The following TMPRSS3 variants were observed in gnomAD, a reference collection of about 807,000 sequenced individuals.
The protein encoded by TMPRSS3 is transmembrane protease serine 3.
Under a neutral mutation model 59.6 loss-of-function variants are expected in TMPRSS3, and 55 were observed. That is an observed-to-expected ratio of 0.92 (90% CI 0.74 to 1.16). The LOEUF (loss-of-function observed/expected upper bound fraction) is 1.16. Among genes scored for constraint, TMPRSS3 ranks in the 50% most tolerant of loss-of-function variants. TMPRSS3 has a pLI of 0.00. For missense variants in TMPRSS3, 596 were observed against 579.4 expected (o/e 1.03, Z -0.29); for synonymous variants, 257 against 237.7 (o/e 1.08, Z -0.75).
intron 7 of TMPRSS3, 33 bp from the exon 8 acceptor site, chr21:42,383,231 C>T: frequency 6.2e-7 from 1 of 1,612,592 alleles, no homozygotes; most frequent in Non-Finnish European, 8.5e-7. Flanking sequence ...GTGGGTCCAC[C>T]CTGCAGACTT....
intron 12 of TMPRSS3, among the ~76,000 whole-genome samples, 200 bp from the exon 13 acceptor site, chr21:42,372,979 A>G (rs1174910640): frequency 6.6e-6 from 1 of 152,134 alleles, no homozygotes; most frequent in Non-Finnish European, 1.5e-5. Flanking sequence ...CCAGCAATGC[A>G]TCCGCAGGTC....
At chr21:42,385,057 C>CT (rs1568885484) in intron 6 of TMPRSS3, among the ~76,000 whole-genome samples, 20 of 130,394 alleles carry the variant, frequency 1.5e-4, no homozygotes, top group South Asian at 8.4e-4. Context: ...CCCTTCCTTC[C>CT]TCCCTCCCTC....
intron 12 of TMPRSS3, among the ~76,000 whole-genome samples, chr21:42,374,012 T>A (rs1365786854): frequency 6.6e-6 from 1 of 152,200 alleles, no homozygotes; most frequent in Non-Finnish European, 1.5e-5. Context: ...AAGGCCTCCA[T>A]GTACTGCAGA....
intron 6 of TMPRSS3, among the ~76,000 whole-genome samples, chr21:42,384,836 G>A (rs914283125): frequency 3.3e-5 from 5 of 152,094 alleles, no homozygotes; most frequent in African/African-American, 9.7e-5. Flanking sequence ...GCTACACACC[G>A]TCTAACCTGG....
chr21:42,385,398 T>C lies in TMPRSS3; in HGVS notation c.572+11A>G, dbSNP rs1314718121. The C allele has an allele frequency of 2.5e-6, 4 of 1,613,778 alleles. No individual in the cohort carries two copies. The highest frequency in any genetic ancestry group is 1.1e-5 in the South Asian group (1 of 91,074). ...TACCTGTGCAGACAACAGCATCGCCTGACCACCTACCTCACATATACTGAG... is the reference window on the plus strand; with the variant it reads ...TACCTGTGCAGACAACAGCATCGCCCGACCACCTACCTCACATATACTGAG... On this transcript the variant is annotated intron_variant, in intron 6 of 12. Transcript: ENST00000644384.
At position 42,376,919 on chromosome 21, in the gene TMPRSS3, C is replaced by T. The variant is rs371920504; in HGVS notation, c.1049-236G>A. Reference sequence around the variant, plus strand: ...CGAGTGGCCGCAAGGGGCCAGTCTGCTTCAAGGCAGGGCCACCGACTCCCC... The same window carrying T: ...CGAGTGGCCGCAAGGGGCCAGTCTGTTTCAAGGCAGGGCCACCGACTCCCC... On this transcript the variant is annotated intron_variant, in intron 10 of 12. Coordinates refer to ENST00000644384, the MANE Select transcript of TMPRSS3 (RefSeq NM_001256317.3). Among the ~76,000 whole-genome samples the T allele has an allele frequency of 3.3e-5, 5 of 152,290 alleles. No individual in the cohort carries two copies. The East Asian group carries it at 5.8e-4, about 18-fold the overall frequency.
Position 42,388,985 on chromosome 21 carries a change from A to G in TMPRSS3, c.266T>C (p.Ile89Thr), listed in dbSNP as rs757929050. The G allele has an allele frequency of 2.5e-6, 4 of 1,614,066 alleles. No homozygotes were observed. The highest frequency in any genetic ancestry group is 1.3e-5 in the African/African-American group (1 of 74,946). The change falls in exon 4 of 13, where the codon ATA becomes ACA. Residue 89 changes from isoleucine (I) to threonine (T), a missense_variant. Physicochemically the swap from Ile to Thr is moderately conservative, Grantham distance 89. Transcript: ENST00000644384. The surrounding 1 kb of genome is among the most constrained non-coding windows in gnomAD (Gnocchi z 5.1). ...CRSSFKCIEL[I>T]ARCDGVSDCK... ...ATCCGAGACTCCGTCACATCGAGCTATCAGCTCGATACACTTAAAGGATGA... is the reference window on the plus strand; with the variant it reads ...ATCCGAGACTCCGTCACATCGAGCTGTCAGCTCGATACACTTAAAGGATGA...
At position 42,375,736 on chromosome 21, in the gene TMPRSS3, A is replaced by T. The variant is rs1359682737; in HGVS notation, c.1324T>A (p.Trp442Arg). The change falls in exon 12 of 13, where the codon TGG becomes AGG. Residue 442 changes from tryptophan to arginine, a missense_variant. Trp to Arg is a moderately radical substitution (Grantham distance 101). Coordinates refer to ENST00000644384, the MANE Select transcript of TMPRSS3 (RefSeq NM_001256317.3). ...CCCACCTCCATCTGCTCGTGGATCC[A>T]GTCCAGGAAGGAGGTGACACGGGTG... ...VYTRVTSFLD[W>R]IHEQMERDLK... 6.2e-7 allele frequency: 1 copy of T among 1,613,776 alleles called. No homozygotes were observed. The highest frequency in any genetic ancestry group is 1.1e-5 in the South Asian group (1 of 91,088).
At chr21:42,384,206 A>T (rs1324879078) in intron 6 of TMPRSS3, among the ~76,000 whole-genome samples, 193 bp from the exon 7 acceptor site, 1 of 151,990 alleles carries the variant, frequency 6.6e-6, no homozygotes, top group African/African-American at 2.4e-5. Flanking sequence ...ATTGTAAAAC[A>T]CTCAACTAAC....
rs753073419 is a variant in TMPRSS3 at position 42,388,459 on chromosome 21, G to A, written c.390C>T (p.Ser130=). The change falls in exon 5 of 13, where the codon TCC becomes TCT. Residue 130 remains serine (S), a synonymous_variant. Transcript: ENST00000644384. This position sits in a 1 kb window ranked among gnomAD's most constrained non-coding sequence, Gnocchi z 5.1. ...TTGCGTAGTGACCCTTCCAGTCATCGGAGCACATGGTCTTCCACGAAGCAG... is the reference window on the plus strand; with the variant it reads ...TTGCGTAGTGACCCTTCCAGTCATCAGAGCACATGGTCTTCCACGAAGCAG... ...FTAASWKTMC[S]DDWKGHYANV... 2.0e-5 allele frequency: 33 copies of A among 1,614,074 alleles called. No homozygotes were observed. Among genetic ancestry groups the A allele is most frequent in the Admixed American group, 1.3e-4 (8 of 60,014 alleles).
At chr21:42,382,985 T>C (rs2052558910) in intron 8 of TMPRSS3, 48 bp downstream of exon 8, 2 of 1,611,212 alleles carry the variant, frequency 1.2e-6, no homozygotes, top group Non-Finnish European at 1.7e-6. Context: ...CACCCTGACA[T>C]GACCCAGGAG....
At chr21:42,376,499 G>A in intron 11 of TMPRSS3, 42 bp downstream of exon 11, 5 of 1,610,640 alleles carry the variant, frequency 3.1e-6, no homozygotes, top group South Asian at 1.1e-5. Context: ...CCAAGGGCTG[G>A]GTCACCCTGC....
At chr21:42,373,960 T>A (rs372837493) in intron 12 of TMPRSS3, among the ~76,000 whole-genome samples, 30 of 152,244 alleles carry the variant, frequency 2.0e-4, no homozygotes, top group African/African-American at 7.2e-4. Flanking sequence ...ACTTTTAGGA[T>A]CACCAGCTCA....
rs1176109066 is a variant in TMPRSS3, at chr21:42,385,623, T to C, written c.447-89A>G. 2.6e-6 allele frequency: 4 copies of C among 1,529,078 alleles called. No homozygotes were observed. The East Asian group carries it at 9.0e-5, about 35-fold the overall frequency. The allele number at this position is 1,529,078 out of a possible 1,614,324, so 94.7% of individuals were successfully genotyped here. A position where few individuals can be genotyped will look rare whatever the true frequency, so the allele number is the denominator to read the frequency against. On this transcript the variant is annotated intron_variant, in intron 5 of 12. Transcript: ENST00000644384. Reference sequence around the variant, plus strand: ...TGTGCGAGTCACAATATTACAGGGATTGTACATGGGGGATGTCATTTTGTC... The same window carrying C: ...TGTGCGAGTCACAATATTACAGGGACTGTACATGGGGGATGTCATTTTGTC...
At chr21:42,382,462 G>A (rs925456789) in intron 8 of TMPRSS3, 4 of 570,066 alleles carry the variant, frequency 7.0e-6, no homozygotes, top group African/African-American at 5.6e-5. Flanking sequence ...GCACCTCTGA[G>A]GTCGTCTTGG....
At chr21:42,390,179 G>C (rs890832388) in intron 2 of TMPRSS3, 142 bp from the exon 3 acceptor site, 5 of 713,010 alleles carry the variant, frequency 7.0e-6, no homozygotes, top group East Asian at 2.7e-5. Context: ...ATTAGGGAAA[G>C]GGCCACCCAC....
chr21:42,390,286 C>T, intron 2 of TMPRSS3: 1 of 498,874 alleles, frequency 2.0e-6, no homozygotes, highest in Non-Finnish European at 3.7e-6. Context: ...GAATAGTATC[C>T]CCCAGAAAGA....
chr21:42,395,657 T>C (rs896516385), intron 1 of TMPRSS3, 189 bp from the exon 2 acceptor site: 7 of 470,562 alleles, frequency 1.5e-5, no homozygotes, highest in African/African-American at 1.1e-4. Context: ...ACAGAAAAGC[T>C]TCTAGAATTA....
intron 6 of TMPRSS3, among the ~76,000 whole-genome samples, chr21:42,384,553 G>A (rs2052592194): frequency 6.6e-6 from 1 of 152,232 alleles, no homozygotes; most frequent in South Asian, 2.1e-4. Flanking sequence ...TCATAGTGAA[G>A]GGAAAGGGAT....
Sources: gnomAD v4.1 joint callset for allele counts (sites outside exome capture counted in the v4.1 genomes callset) on GRCh38, gnomAD v4.1.1 for gene constraint, Gnocchi (gnomAD v3.1) non-coding constraint, MANE v1.5 for transcripts, NCBI Gene and HGNC (gene_info 2026-07-23, HGNC 2026-07-21) for gene names.